Variants in GRIK5 observed in about 807,000 individuals in gnomAD.
GRIK5 encodes the protein glutamate receptor ionotropic, kainate 5.
In GRIK5, 43 loss-of-function variants were observed where a neutral mutation model predicts 97.4. That is an observed-to-expected ratio of 0.44 (90% CI 0.35 to 0.57). GRIK5 has a LOEUF of 0.57. Among genes scored for constraint, GRIK5 ranks in the 20% least tolerant of loss-of-function variants. GRIK5 has a pLI of 0.01. For missense variants in GRIK5, 1,015 were observed against 1,382.0 expected (o/e 0.73, Z 4.21); for synonymous variants, 580 against 583.5 (o/e 0.99, Z 0.09).
At position 42,039,354 on chromosome 19, in the gene GRIK5, T is replaced by A. The variant is rs1348317837; in HGVS notation, c.1473+3198A>T. Among the ~76,000 whole-genome samples the A allele has an allele frequency of 2.6e-5, 4 of 152,316 alleles. No homozygotes were observed. In the South Asian group the frequency reaches 8.3e-4, roughly 32 times the overall value. ...CAGGTGTGGTGGCATGCGCCTGTAG[T>A]CCCAGCTACTCAGGAGGCTGAGGCA... is the stretch of plus-strand genomic sequence containing the variant. On this transcript the variant is annotated intron_variant, in intron 12 of 19. Coordinates refer to ENST00000593562, the MANE Select transcript of GRIK5 (RefSeq NM_002088.5).
chr19:41,999,138 C>A lies in GRIK5; in HGVS notation c.2676G>T (p.Ser892=). The change falls in exon 20 of 20, where the codon TCG becomes TCT. Residue 892 remains serine, a synonymous_variant. Coordinates refer to ENST00000593562, the MANE Select transcript of GRIK5 (RefSeq NM_002088.5). The surrounding 1 kb of genome is among the most constrained non-coding windows in gnomAD (Gnocchi z 5.0). The part of the protein sequence containing the change: ...EMRLSNGKLY[S]AGAGGDAGSA... ...TGCCCGCATCCCCGCCCGCGCCGGC[C>A]GAGTAGAGCTTGCCGTTGCTGAGGC... The A allele has an allele frequency of 6.8e-7, 1 of 1,460,796 alleles. No individual in the cohort carries two copies. The highest frequency in any genetic ancestry group is 1.5e-5 in the African/African-American group (1 of 67,626). The allele number at this position is 1,460,796 out of a possible 1,614,324, so 90.5% of individuals were successfully genotyped here.
Position 42,022,672 on chromosome 19 carries a change from C to CCTAG in GRIK5, c.1474-322_1474-319dup. 3.0e-6 allele frequency: 3 copies of CCTAG among 984,938 alleles called. No individual in the cohort carries two copies. The highest frequency in any genetic ancestry group is 5.2e-4 in the Middle Eastern group (1 of 1,914). 61.0% of individuals were successfully genotyped at this position (984,938 alleles called of 1,614,324 possible). ...ACTCCAATTCAAGCAGCAACTTCTC[C>CCTAG]CTAGGGCCATAAAAGAGCCAAGGTC... On this transcript the variant is annotated intron_variant, in intron 12 of 19. Transcript: ENST00000593562. The surrounding 1 kb of genome is among the most constrained non-coding windows in gnomAD (Gnocchi z 4.2).
At chr19:42,024,404 G>C (rs1267056862) in intron 12 of GRIK5, among the ~76,000 whole-genome samples, 1 of 151,944 alleles carries the variant, frequency 6.6e-6, no homozygotes, top group Non-Finnish European at 1.5e-5. Flanking sequence ...GTAGAGACGG[G>C]GTTTCACCAT....
At chr19:42,064,644 C>A (rs550387974) in intron 3 of GRIK5, among the ~76,000 whole-genome samples, 1 of 152,332 alleles carries the variant, frequency 6.6e-6, no homozygotes, top group Admixed American at 6.5e-5. Flanking sequence ...ACCATAAAGC[C>A]TCTGATAAGG....
intron 11 of GRIK5, among the ~76,000 whole-genome samples, chr19:42,048,983 G>C (rs1357731866): frequency 6.6e-6 from 1 of 152,122 alleles, no homozygotes; most frequent in East Asian, 1.9e-4. Flanking sequence ...CGAAGCTGCA[G>C]TGAGCTACGA....
chr19:42,005,237 C>CAAAAAAAAA (rs56825931), intron 17 of GRIK5, among the ~76,000 whole-genome samples: 16 of 88,576 alleles, frequency 1.8e-4, no homozygotes, highest in East Asian at 3.4e-4. Flanking sequence ...GACTCCGTCT[C>CAAAAAAAAA]AAAAAAAAAA....
At chr19:42,019,321 TTAGGAC>T (rs2075669260) in intron 15 of GRIK5, among the ~76,000 whole-genome samples, 1 of 152,172 alleles carries the variant, frequency 6.6e-6, no homozygotes, top group Non-Finnish European at 1.5e-5. Context: ...GTTTCTGCCT[TTAGGAC>T]TCAACCCAGT....
At chr19:42,019,668 G>A (rs1410602494) in intron 15 of GRIK5, among the ~76,000 whole-genome samples, 1 of 152,196 alleles carries the variant, frequency 6.6e-6, no homozygotes, top group African/African-American at 2.4e-5. Context: ...AGGGTCCTTA[G>A]GAGTGGAAGA....
chr19:42,048,107 T>C (rs1326001509), intron 11 of GRIK5, among the ~76,000 whole-genome samples: 1 of 152,056 alleles, frequency 6.6e-6, no homozygotes, highest in African/African-American at 2.4e-5. Context: ...ACACAAATAG[T>C]AGAATATCTT....
At chr19:42,067,608 A>G (rs1325767916) in intron 1 of GRIK5, among the ~76,000 whole-genome samples, 2 of 152,156 alleles carry the variant, frequency 1.3e-5, no homozygotes, top group Non-Finnish European at 2.9e-5. Flanking sequence ...ATCAGGGAGC[A>G]GAGGACAAAG....
intron 15 of GRIK5, among the ~76,000 whole-genome samples, chr19:42,008,571 G>T (rs1463571384): frequency 6.6e-6 from 1 of 151,264 alleles, no homozygotes; most frequent in Non-Finnish European, 1.5e-5. Context: ...AGGTCGCAGT[G>T]AACCGAGATC....
chr19:42,003,525 G>T lies in GRIK5; in HGVS notation c.2392+30C>A. 1 of 1,605,884 alleles carries T rather than the reference G, an allele frequency of 6.2e-7. No individual in the cohort carries two copies. The highest frequency in any genetic ancestry group is 2.2e-5 in the East Asian group (1 of 44,754). On this transcript the variant is annotated intron_variant, in intron 18 of 19. Transcript: ENST00000593562. The surrounding 1 kb of genome is among the most constrained non-coding windows in gnomAD (Gnocchi z 4.2). Reference sequence around the variant, plus strand: ...GGGAAGGGGGCTGGGAGGGGGCTATGGGAAGGGGACACCATACGCGGGAAC... The same window carrying T: ...GGGAAGGGGGCTGGGAGGGGGCTATTGGAAGGGGACACCATACGCGGGAAC...
chr19:42,061,061 T>TATTG (rs1381083009), intron 5 of GRIK5, among the ~76,000 whole-genome samples: 1 of 152,164 alleles, frequency 6.6e-6, no homozygotes, highest in Non-Finnish European at 1.5e-5. Flanking sequence ...TTTATTTATT[T>TATTG]TTTTGAGACG....
Position 42,065,463 on chromosome 19 carries a change from G to T in GRIK5, c.80-76C>A. 2 of 1,433,832 alleles carry T rather than the reference G, an allele frequency of 1.4e-6. No individual in the cohort carries two copies. Among genetic ancestry groups the T allele is most frequent in the Non-Finnish European group, 9.4e-7 (1 of 1,061,586 alleles). The allele number at this position is 1,433,832 out of a possible 1,614,324, so 88.8% of individuals were successfully genotyped here. Reference sequence around the variant, plus strand: ...GGGGGCTGTGGTCTTAGACTCCAGGGCTCTAGGGTGAGGTGGGTATACGGA... The same window carrying T: ...GGGGGCTGTGGTCTTAGACTCCAGGTCTCTAGGGTGAGGTGGGTATACGGA... On this transcript the variant is annotated intron_variant, in intron 2 of 19. Transcript: ENST00000593562. The surrounding 1 kb of genome is among the most constrained non-coding windows in gnomAD (Gnocchi z 5.8).
intron 15 of GRIK5, among the ~76,000 whole-genome samples, chr19:42,014,476 C>T (rs1218309321): frequency 1.3e-5 from 2 of 151,758 alleles, no homozygotes; most frequent in East Asian, 2.0e-4. Context: ...CCTAAGTATA[C>T]ACTGTTTATA....
At chr19:42,051,473 T>G (rs2076116307) in intron 11 of GRIK5, among the ~76,000 whole-genome samples, 1 of 151,694 alleles carries the variant, frequency 6.6e-6, no homozygotes, top group South Asian at 2.1e-4. Context: ...TGCTCAACAC[T>G]CTCTCCCCAA....
intron 17 of GRIK5, among the ~76,000 whole-genome samples, chr19:42,004,421 C>CCGACCAA (rs2075461529): frequency 6.6e-6 from 1 of 152,126 alleles, no homozygotes; most frequent in Admixed American, 6.6e-5. Context: ...AAGATACTTC[C>CCGACCAA]CGACCAACTA....
rs375562080 is a variant in GRIK5 at position 42,059,484 on chromosome 19, G to A, written c.552C>T (p.Ser184=). ...ACATCCTCACTGACAGCGTCTCCTT[G>A]GAGATGAGGAAGCCACGCACCAGTT... ...LEELVRGFLI[S]KETLSVRMLD... is the part of the protein sequence containing the mutation. The change falls in exon 6 of 20, where the codon TCC becomes TCT. Residue 184 remains serine, a synonymous_variant. Coordinates refer to ENST00000593562, the MANE Select transcript of GRIK5 (RefSeq NM_002088.5). 2.0e-5 allele frequency: 32 copies of A among 1,613,608 alleles called. No individual in the cohort carries two copies. In the Admixed American group the frequency reaches 4.3e-4, roughly 22 times the overall value.
chr19:42,000,743 T>C (rs1555870732), intron 19 of GRIK5, among the ~76,000 whole-genome samples: 1 of 152,224 alleles, frequency 6.6e-6, no homozygotes, highest in East Asian at 1.9e-4. Context: ...GTTTCAGCCA[T>C]TGCACATTCT....
Sources: allele counts gnomAD v4.1 joint callset (sites outside exome capture counted in the v4.1 genomes callset), GRCh38; gene constraint gnomAD v4.1.1; non-coding constraint Gnocchi (gnomAD v3.1); transcripts MANE v1.5; gene names NCBI Gene and HGNC (gene_info 2026-07-23, HGNC 2026-07-21).